The following EPHA3 variants were observed in gnomAD, a reference collection of about 807,000 sequenced individuals.
EPHA3 encodes ephrin type-A receptor 3.
EPHA3 carries 42 observed loss-of-function variants against 107.1 expected under a neutral mutation model. The ratio of observed to expected loss-of-function variants is 0.39; its 90% CI spans 0.31 to 0.51. The LOEUF is 0.51. Ranked by LOEUF, EPHA3 falls within the 20% of genes least tolerant of loss-of-function variation. The probability of loss-of-function intolerance (pLI) is 0.78; values close to 1 mark genes in which losing one functional copy is unlikely to be tolerated. For synonymous variants in EPHA3, 461 were observed against 424.8 expected (o/e 1.09, Z -1.05); for missense variants, 1,183 against 1,211.2 (o/e 0.98, Z 0.35).
chr3:89,305,738 A>G (rs1195583929), intron 3 of EPHA3, among the ~76,000 whole-genome samples: 1 of 152,010 alleles, frequency 6.6e-6, no homozygotes, highest in Non-Finnish European at 1.5e-5. Flanking sequence ...TCGCTTTCCC[A>G]TGTTTGACTC....
intron 2 of EPHA3, among the ~76,000 whole-genome samples, chr3:89,194,796 A>G (rs896924081): frequency 6.6e-6 from 1 of 151,962 alleles, no homozygotes; most frequent in Non-Finnish European, 1.5e-5. Flanking sequence ...CTCTCCAGCA[A>G]CTCTGACATT....
chr3:89,281,077 G>A (rs752103328), intron 3 of EPHA3, among the ~76,000 whole-genome samples: 3 of 151,330 alleles, frequency 2.0e-5, no homozygotes, highest in Non-Finnish European at 4.4e-5. Context: ...AGGCTGGAGC[G>A]CAGTGGTGCG....
intron 3 of EPHA3, among the ~76,000 whole-genome samples, chr3:89,247,509 G>T (rs1480020734): frequency 2.6e-5 from 4 of 152,138 alleles, no homozygotes; most frequent in African/African-American, 9.7e-5. Flanking sequence ...GTCAGTTCAA[G>T]AAATTGTGAT....
intron 3 of EPHA3, among the ~76,000 whole-genome samples, chr3:89,299,945 C>A (rs1246739657): frequency 1.3e-5 from 2 of 151,732 alleles, no homozygotes; most frequent in Non-Finnish European, 2.9e-5. Flanking sequence ...ATTTAAGTGT[C>A]GATTATATTA....
intron 15 of EPHA3, among the ~76,000 whole-genome samples, chr3:89,461,168 A>T (rs1358450116): frequency 1.0e-5 from 1 of 96,776 alleles, no homozygotes. Context: ...ATCATTTTTT[A>T]TGGCTGCATA....
intron 3 of EPHA3, among the ~76,000 whole-genome samples, chr3:89,304,854 A>T (rs1706575304): frequency 1.3e-5 from 2 of 152,146 alleles, no homozygotes; most frequent in African/African-American, 4.8e-5. Context: ...TTACTGATTA[A>T]TCCTAAGCAC....
chr3:89,239,141 A>C (rs1704836690), intron 3 of EPHA3, among the ~76,000 whole-genome samples: 1 of 152,202 alleles, frequency 6.6e-6, no homozygotes, highest in African/African-American at 2.4e-5. Context: ...TCAAAAAGAA[A>C]GCCCATATGA....
intron 2 of EPHA3, among the ~76,000 whole-genome samples, chr3:89,207,485 G>A (rs11916891): frequency 0.14 from 21,469 of 152,018 alleles, 1,639 homozygotes; most frequent in African/African-American, 0.21. Context: ...GAAAATATTC[G>A]TACAGATGAA....
chr3:89,399,967 G>T, intron 7 of EPHA3: 1 of 1,046,690 alleles, frequency 9.6e-7, no homozygotes, highest in Non-Finnish European at 1.2e-6. Context: ...ACATTCAGAA[G>T]TAATTTGAAT....
chr3:89,347,218 A>T (rs1348305319), intron 5 of EPHA3, among the ~76,000 whole-genome samples: 1 of 138,320 alleles, frequency 7.2e-6, no homozygotes, highest in African/African-American at 2.7e-5. Context: ...CAGTATGGCC[A>T]TTTTCACGAT....
At chr3:89,466,526 T>C (rs1307326793) in intron 15 of EPHA3, among the ~76,000 whole-genome samples, 1 of 133,558 alleles carries the variant, frequency 7.5e-6, no homozygotes, top group Admixed American at 7.3e-5. Context: ...TGGGATATAG[T>C]CTTGTGGTGC....
chr3:89,390,179 T>C (rs146411522), intron 5 of EPHA3, among the ~76,000 whole-genome samples: 2,435 of 152,138 alleles, frequency 0.016, 68 homozygotes, highest in African/African-American at 0.055. Flanking sequence ...TTAGTAGAGA[T>C]GGGGTTTTGC....
At chr3:89,150,754 C>A (rs558485426) in intron 2 of EPHA3, among the ~76,000 whole-genome samples, 1 of 151,978 alleles carries the variant, frequency 6.6e-6, no homozygotes, top group South Asian at 2.1e-4. Flanking sequence ...TTCAAGTAGA[C>A]CAGAATATCA....
intron 3 of EPHA3, among the ~76,000 whole-genome samples, chr3:89,308,561 C>T (rs1283495474): frequency 2.0e-5 from 3 of 150,270 alleles, no homozygotes; most frequent in Non-Finnish European, 4.4e-5. Context: ...GTAGAAACAA[C>T]TAAAAAGGGG....
intron 5 of EPHA3, among the ~76,000 whole-genome samples, chr3:89,345,363 T>A (rs1707619673): frequency 6.6e-6 from 1 of 151,298 alleles, no homozygotes. Flanking sequence ...TTTACCCTAT[T>A]GGAATTCAGC....
chr3:89,370,904 C>T (rs1365038486), intron 5 of EPHA3, among the ~76,000 whole-genome samples: 1 of 151,430 alleles, frequency 6.6e-6, no homozygotes, highest in Non-Finnish European at 1.5e-5. Context: ...GTACAGTAGC[C>T]CCTCAAACTG....
intron 3 of EPHA3, among the ~76,000 whole-genome samples, chr3:89,334,599 C>G (rs1274414251): frequency 6.6e-6 from 1 of 152,172 alleles, no homozygotes; most frequent in African/African-American, 2.4e-5. Context: ...AATTCACTCA[C>G]TTTAAAAATT....
At position 89,374,186 on chromosome 3, in the gene EPHA3, G is replaced by C. The variant is rs554158595; in HGVS notation, c.1307-21651G>C. Among the ~76,000 whole-genome samples the C allele has an allele frequency of 2.6e-5, 4 of 151,932 alleles. No homozygotes were observed. The East Asian group carries it at 7.8e-4, about 30-fold the overall frequency. ...AAAAAGTCAGGCAAAAATACACCAA[G>C]TATACCACATACAAAAGAGAACTGC... On this transcript the variant is annotated intron_variant, in intron 5 of 16. Transcript: ENST00000336596.
chr3:89,138,104 G>T (rs1299318148), intron 2 of EPHA3, among the ~76,000 whole-genome samples: 3 of 151,756 alleles, frequency 2.0e-5, no homozygotes, highest in Non-Finnish European at 4.4e-5. Context: ...TTGATTCAGG[G>T]CTGTAGTTCA....
Sources: gnomAD v4.1 joint callset for allele counts (sites outside exome capture counted in the v4.1 genomes callset) on GRCh38, gnomAD v4.1.1 for gene constraint, MANE v1.5 for transcripts, NCBI Gene and HGNC (gene_info 2026-07-23, HGNC 2026-07-21) for gene names.